Variants in IKZF1 observed in about 807,000 individuals in gnomAD.
The protein encoded by IKZF1 is DNA-binding protein Ikaros.
Under a neutral mutation model 51.7 loss-of-function variants are expected in IKZF1, and 10 were observed. That is an observed-to-expected ratio of 0.19 (90% confidence interval 0.12 to 0.33). The LOEUF (loss-of-function observed/expected upper bound fraction) is 0.33, where lower values mean the gene tolerates loss of function less well. IKZF1 is among the 10% of genes least tolerant of loss of function. The probability of loss-of-function intolerance (pLI) is 1.00; values close to 1 mark genes in which losing one functional copy is unlikely to be tolerated. For missense variants in IKZF1, 484 were observed against 707.5 expected (o/e 0.68, Z 3.58); for synonymous variants, 280 against 282.3 (o/e 0.99, Z 0.08).
intron 3 of IKZF1, among the ~76,000 whole-genome samples, chr7:50,339,297 A>T (rs1169741059): frequency 7.4e-6 from 1 of 134,638 alleles, no homozygotes; most frequent in African/African-American, 2.8e-5. Context: ...TCTATTGGGG[A>T]GGACTGTGGG....
chr7:50,355,604 A>T (rs1562811048), intron 3 of IKZF1, among the ~76,000 whole-genome samples: 1 of 145,496 alleles, frequency 6.9e-6, no homozygotes, highest in East Asian at 2.0e-4. Context: ...TCCAAAGTTT[A>T]ATGTGTTAGC....
intron 3 of IKZF1, among the ~76,000 whole-genome samples, chr7:50,358,717 C>G (rs1267279209): frequency 6.6e-6 from 1 of 151,858 alleles, no homozygotes; most frequent in Non-Finnish European, 1.5e-5. Flanking sequence ...ATATGCCTAG[C>G]ATTTATACAG....
chr7:50,362,898 C>G (rs1805676681), intron 3 of IKZF1, among the ~76,000 whole-genome samples: 1 of 152,124 alleles, frequency 6.6e-6, no homozygotes, highest in South Asian at 2.1e-4. Flanking sequence ...AGACGGTGGA[C>G]AGGAAACACA....
chr7:50,368,332 C>T (rs1414227932), intron 3 of IKZF1: 5 of 703,126 alleles, frequency 7.1e-6, no homozygotes, highest in South Asian at 4.4e-5. Context: ...ATTGTTACTT[C>T]GCAGATGCTG....
At chr7:50,325,118 C>T (rs1197583223) in intron 2 of IKZF1, among the ~76,000 whole-genome samples, 1 of 152,076 alleles carries the variant, frequency 6.6e-6, no homozygotes, top group Admixed American at 6.5e-5. Flanking sequence ...TATGAAGGTA[C>T]TTTAGCAGGT....
At chr7:50,339,187 T>C (rs1471354633) in intron 3 of IKZF1, among the ~76,000 whole-genome samples, 1 of 150,170 alleles carries the variant, frequency 6.7e-6, no homozygotes, top group Non-Finnish European at 1.5e-5. Context: ...ACAGTGAAAT[T>C]TGAAAGGAGG....
intron 3 of IKZF1, among the ~76,000 whole-genome samples, chr7:50,363,192 G>A (rs1245034040): frequency 2.6e-5 from 4 of 152,196 alleles, no homozygotes; most frequent in Non-Finnish European, 5.9e-5. Flanking sequence ...AGGCATGGAG[G>A]GAAGAATGGG....
intron 2 of IKZF1, among the ~76,000 whole-genome samples, chr7:50,320,282 A>G (rs1285694994): frequency 1.3e-5 from 2 of 152,076 alleles, no homozygotes; most frequent in Non-Finnish European, 2.9e-5. Context: ...TTTTCACTTA[A>G]TTTTTAATTT....
At chr7:50,337,422 G>A (rs1798057599) in intron 3 of IKZF1, among the ~76,000 whole-genome samples, 2 of 152,208 alleles carry the variant, frequency 1.3e-5, no homozygotes, top group South Asian at 4.1e-4. Context: ...CCTTCCCTCA[G>A]GGCTCTGTGC....
chr7:50,340,771 G>A (rs1344035900), intron 3 of IKZF1, among the ~76,000 whole-genome samples: 1 of 152,158 alleles, frequency 6.6e-6, no homozygotes. Context: ...ACCAGGTGTA[G>A]CCACCCTTAC....
At chr7:50,337,790 T>C (rs1259487064) in intron 3 of IKZF1, among the ~76,000 whole-genome samples, 1 of 152,166 alleles carries the variant, frequency 6.6e-6, no homozygotes, top group African/African-American at 2.4e-5. Context: ...GTGGGCACGA[T>C]GATATTTGAT....
At chr7:50,368,049 T>A in intron 3 of IKZF1, 1 of 702,946 alleles carries the variant, frequency 1.4e-6, no homozygotes, top group Non-Finnish European at 2.6e-6. Flanking sequence ...ATGCAATAAT[T>A]CCCAAATCTT....
intron 3 of IKZF1, among the ~76,000 whole-genome samples, chr7:50,332,289 AT>A (rs1349680409): frequency 1.3e-5 from 2 of 152,042 alleles, no homozygotes; most frequent in African/African-American, 2.4e-5. Context: ...TAATCCTTGC[AT>A]TTTTTTCCTC....
intron 3 of IKZF1, among the ~76,000 whole-genome samples, chr7:50,372,658 CTA>C (rs1328133260): frequency 6.6e-6 from 1 of 151,592 alleles, no homozygotes; most frequent in Non-Finnish European, 1.5e-5. Flanking sequence ...TCTTCAAACT[CTA>C]TATATTCCTG....
At chr7:50,338,078 G>A (rs1798203949) in intron 3 of IKZF1, among the ~76,000 whole-genome samples, 1 of 152,064 alleles carries the variant, frequency 6.6e-6, no homozygotes, top group Non-Finnish European at 1.5e-5. Flanking sequence ...AATCTGACAT[G>A]TGAATTTTAA....
At chr7:50,369,228 A>G (rs1162699223) in intron 3 of IKZF1, 1 of 318,786 alleles carries the variant, frequency 3.1e-6, no homozygotes, top group Non-Finnish European at 5.7e-6. Context: ...GATTTGAAGA[A>G]TCATATTGTT....
At chr7:50,365,871 C>T (rs1378923161) in intron 3 of IKZF1, among the ~76,000 whole-genome samples, 1 of 152,164 alleles carries the variant, frequency 6.6e-6, no homozygotes, top group Non-Finnish European at 1.5e-5. Context: ...ATGGAATCAA[C>T]CTACATGCCC....
chr7:50,310,737 C>G (rs1370565036), intron 1 of IKZF1, among the ~76,000 whole-genome samples: 1 of 152,188 alleles, frequency 6.6e-6, no homozygotes, highest in Non-Finnish European at 1.5e-5. Context: ...AACTTTCTTG[C>G]TAACAGGATC....
intron 2 of IKZF1, among the ~76,000 whole-genome samples, chr7:50,320,094 T>TA (rs771254564): frequency 2.6e-5 from 4 of 152,312 alleles, no homozygotes; most frequent in Non-Finnish European, 5.9e-5. Context: ...ATTTTGGACT[T>TA]AAACTCTCCC....
Sources: gnomAD v4.1 joint callset for allele counts (sites outside exome capture counted in the v4.1 genomes callset) on GRCh38, gnomAD v4.1.1 for gene constraint, MANE v1.5 for transcripts, NCBI Gene and HGNC (gene_info 2026-07-23, HGNC 2026-07-21) for gene names.